FMN1: variants seen among roughly 807,000 people sequenced by gnomAD.
FMN1 encodes formin 1.
Under a neutral mutation model 132.4 loss-of-function variants are expected in FMN1, and 110 were observed. That is an observed-to-expected ratio of 0.83 (90% CI 0.71 to 0.97). FMN1 has a LOEUF of 0.97. Among genes scored for constraint, FMN1 ranks in the 50% least tolerant of loss-of-function variants. The pLI, the probability that FMN1 is intolerant of heterozygous loss-of-function variation, is 0.00. For synonymous variants in FMN1, 722 were observed against 651.7 expected, an observed-to-expected ratio of 1.11 and a Z score of -1.64; for missense variants, 1,792 against 1,705.3, an observed-to-expected ratio of 1.05 and a Z score of -0.90.
In FMN1 at chr15:32,887,008, C is replaced by G. The variant is rs200159050; in HGVS notation, c.3835+1164G>C. Among the ~76,000 whole-genome samples, 6 of 149,076 alleles carry G rather than the reference C, an allele frequency of 4.0e-5. No individual in the cohort carries two copies. The East Asian group carries it at 1.2e-3, about 30-fold the overall frequency. On this transcript the variant is annotated intron_variant, in intron 16 of 20. Coordinates refer to ENST00000616417, the MANE Select transcript of FMN1 (RefSeq NM_001277313.2). Reference sequence around the variant, plus strand: ...ACCACATCAATGGGAGAAAAAAAACCCACGTTCCTTTAAAAATAATATACA... The same window carrying G: ...ACCACATCAATGGGAGAAAAAAAACGCACGTTCCTTTAAAAATAATATACA...
intron 16 of FMN1, among the ~76,000 whole-genome samples, chr15:32,866,171 T>C (rs2141345922): frequency 6.7e-6 from 1 of 148,402 alleles, no homozygotes; most frequent in South Asian, 2.1e-4. Flanking sequence ...GACAAATCTA[T>C]ACATATGTAA....
intron 9 of FMN1, among the ~76,000 whole-genome samples, chr15:32,947,224 C>CT (rs1042880630): frequency 2.0e-4 from 31 of 152,036 alleles, no homozygotes; most frequent in African/African-American, 7.2e-4. Context: ...ATCCATTTTC[C>CT]TTTTTTTGCC....
At chr15:33,074,319 C>T (rs2038114612) in intron 5 of FMN1, among the ~76,000 whole-genome samples, 1 of 152,222 alleles carries the variant, frequency 6.6e-6, no homozygotes, top group African/African-American at 2.4e-5. Context: ...CAGAGATACC[C>T]TTACACATCT....
chr15:32,990,027 G>A (rs980785817), intron 7 of FMN1, among the ~76,000 whole-genome samples: 2 of 152,098 alleles, frequency 1.3e-5, no homozygotes, highest in African/African-American at 4.8e-5. Context: ...TTTCTATGGT[G>A]GGCTTATAAA....
chr15:32,998,624 TG>T (rs1310796257), intron 7 of FMN1, among the ~76,000 whole-genome samples: 1 of 152,214 alleles, frequency 6.6e-6, no homozygotes, highest in Non-Finnish European at 1.5e-5. Flanking sequence ...TCCCATTTCA[TG>T]AAGAGTCAAA....
At chr15:33,019,607 G>C (rs1290030245) in intron 6 of FMN1, among the ~76,000 whole-genome samples, 2 of 152,186 alleles carry the variant, frequency 1.3e-5, no homozygotes, top group Non-Finnish European at 2.9e-5. Flanking sequence ...CGAGCTGGAG[G>C]TCCCGAGCCC....
At chr15:32,791,911 A>T (rs1168391592) in intron 19 of FMN1, among the ~76,000 whole-genome samples, 3 of 152,076 alleles carry the variant, frequency 2.0e-5, no homozygotes, top group Non-Finnish European at 4.4e-5. Context: ...GTGCAGTAGG[A>T]AATGTAGGTC....
intron 10 of FMN1, among the ~76,000 whole-genome samples, chr15:32,923,576 C>A (rs555694361): frequency 2.6e-5 from 4 of 152,206 alleles, no homozygotes; most frequent in Admixed American, 1.3e-4. Flanking sequence ...GACTAGAAGT[C>A]TGTGATGCTA....
intron 11 of FMN1, among the ~76,000 whole-genome samples, chr15:32,909,225 A>G (rs1257407762): frequency 6.6e-6 from 1 of 152,042 alleles, no homozygotes; most frequent in Non-Finnish European, 1.5e-5. Context: ...AAGTTCTTTA[A>G]CATGAACCAC....
intron 7 of FMN1, among the ~76,000 whole-genome samples, chr15:33,000,375 G>A (rs902140115): frequency 6.6e-6 from 1 of 150,668 alleles, no homozygotes; most frequent in Non-Finnish European, 1.5e-5. Context: ...CGTGAACCTG[G>A]GAGGCAGAGC....
chr15:32,924,311 G>T (rs1188938850), intron 10 of FMN1, among the ~76,000 whole-genome samples: 1 of 152,164 alleles, frequency 6.6e-6, no homozygotes, highest in Non-Finnish European at 1.5e-5. Context: ...TGAATGCTCT[G>T]TGATTATCAT....
chr15:33,139,152 T>C (rs1374479943), intron 4 of FMN1, among the ~76,000 whole-genome samples: 1 of 152,242 alleles, frequency 6.6e-6, no homozygotes, highest in Non-Finnish European at 1.5e-5. Flanking sequence ...TTAATCCATA[T>C]TGACTATGAG....
intron 4 of FMN1, among the ~76,000 whole-genome samples, chr15:33,094,384 A>G (rs1167374474): frequency 6.6e-6 from 1 of 152,238 alleles, no homozygotes; most frequent in African/African-American, 2.4e-5. Context: ...ATGAGGGCAT[A>G]TCCAACATCA....
At chr15:33,028,872 C>G (rs2035802866) in intron 6 of FMN1, among the ~76,000 whole-genome samples, 1 of 152,182 alleles carries the variant, frequency 6.6e-6, no homozygotes. Flanking sequence ...AATGCTCCCT[C>G]CCTCCTATTG....
chr15:33,124,766 C>T (rs570960740), intron 4 of FMN1, among the ~76,000 whole-genome samples: 2 of 151,942 alleles, frequency 1.3e-5, no homozygotes, highest in East Asian at 1.9e-4. Context: ...CTCCTTTGTG[C>T]TCCTTAATTT....
intron 16 of FMN1, among the ~76,000 whole-genome samples, chr15:32,866,865 C>T (rs1335006576): frequency 6.6e-6 from 1 of 152,168 alleles, no homozygotes; most frequent in African/African-American, 2.4e-5. Context: ...GTCTGTGTTC[C>T]CCATTGTGGG....
At chr15:32,850,112 T>G (rs1029323304) in intron 17 of FMN1, among the ~76,000 whole-genome samples, 1 of 152,224 alleles carries the variant, frequency 6.6e-6, no homozygotes. Flanking sequence ...AGAACCCATT[T>G]TGGCTCAGGC....
At chr15:32,815,366 A>C (rs1258794) in intron 17 of FMN1, among the ~76,000 whole-genome samples, 1 of 151,970 alleles carries the variant, frequency 6.6e-6, no homozygotes, top group African/African-American at 2.4e-5. Context: ...ACCTCATGTT[A>C]ATTTTTTTTA....
chr15:33,132,134 A>G (rs1343931373), intron 4 of FMN1, among the ~76,000 whole-genome samples: 1 of 151,994 alleles, frequency 6.6e-6, no homozygotes, highest in Non-Finnish European at 1.5e-5. Context: ...TCCTTTCTTT[A>G]TTCCCATTAC....
Sources: allele counts gnomAD v4.1 joint callset (sites outside exome capture counted in the v4.1 genomes callset), GRCh38; gene constraint gnomAD v4.1.1; transcripts MANE v1.5; gene names NCBI Gene and HGNC (gene_info 2026-07-23, HGNC 2026-07-21).